JAK1: variants seen among roughly 807,000 people sequenced by gnomAD.
The protein encoded by JAK1 is tyrosine-protein kinase JAK1.
JAK1 carries 16 observed loss-of-function variants against 136.6 expected under a neutral mutation model. The ratio of observed to expected loss-of-function variants is 0.12; its 90% CI spans 0.08 to 0.18. The LOEUF is 0.18. Ranked by LOEUF, JAK1 falls within the 10% of genes least tolerant of loss-of-function variation. The pLI is 1.00. For synonymous variants in JAK1, 492 were observed against 519.5 expected, an observed-to-expected ratio of 0.95 and a Z score of 0.72; for missense variants, 859 against 1,450.1, an observed-to-expected ratio of 0.59 and a Z score of 6.62.
chr1:64,952,018 C>T (rs1298381880), intron 1 of JAK1, among the ~76,000 whole-genome samples: 3 of 152,262 alleles, frequency 2.0e-5, no homozygotes, highest in East Asian at 3.9e-4. Flanking sequence ...CGCACATTTC[C>T]CCCAGACACA....
intron 22 of JAK1, among the ~76,000 whole-genome samples, chr1:64,837,432 TTGTAGCCAGTG>T (rs1300254013): frequency 6.6e-6 from 1 of 152,156 alleles, no homozygotes; most frequent in Admixed American, 6.5e-5. Flanking sequence ...TGAGACATGG[TTGTAGCCAGTG>T]TGTGGCCTTC....
At chr1:64,972,300 G>T (rs1051968513) in intron 2 of JAK1, 2 of 152,142 alleles carry the variant, frequency 1.3e-5, no homozygotes, top group Non-Finnish European at 2.9e-5. Context: ...AACATTAAAG[G>T]TACAAACTAT....
At chr1:64,848,764 C>A (rs188957086) in intron 12 of JAK1, among the ~76,000 whole-genome samples, 133 of 152,252 alleles carry the variant, frequency 8.7e-4, no homozygotes, top group African/African-American at 2.9e-3. Context: ...TATTTGAGGA[C>A]CCCCTGGAAA....
intron 1 of JAK1, among the ~76,000 whole-genome samples, chr1:64,937,140 G>A (rs1189783798): frequency 6.6e-6 from 1 of 151,852 alleles, no homozygotes; most frequent in Non-Finnish European, 1.5e-5. Flanking sequence ...GGCTATTTGG[G>A]TAGCTGATCC....
At chr1:65,050,292 C>T (rs546515404) in intron 1 of JAK1, among the ~76,000 whole-genome samples, 1 of 152,314 alleles carries the variant, frequency 6.6e-6, no homozygotes, top group South Asian at 2.1e-4. Flanking sequence ...CCGCAACACA[C>T]GTGATTCAAC....
intron 1 of JAK1, 130 bp from the exon 2 acceptor site, chr1:64,886,471 AAAAAC>A: frequency 3.7e-6 from 2 of 538,780 alleles, no homozygotes; most frequent in South Asian, 3.1e-5. Context: ...GAAGAAGGAA[AAAAAC>A]AAAACAAAAC....
intron 1 of JAK1, among the ~76,000 whole-genome samples, chr1:64,913,639 GGGAGGAAGGAAGGAAA>G (rs1645325147): frequency 9.4e-6 from 1 of 106,684 alleles, no homozygotes; most frequent in African/African-American, 4.1e-5. Flanking sequence ...GAGGGAGGAA[GGGAGGAAGGAAGGAAA>G]GAAGGAAGGA....
chr1:64,928,068 A>G (rs1484847800), intron 1 of JAK1, among the ~76,000 whole-genome samples: 1 of 152,176 alleles, frequency 6.6e-6, no homozygotes. Context: ...TCTCTCTACC[A>G]TGGGAGTTTA....
intron 2 of JAK1, among the ~76,000 whole-genome samples, chr1:65,040,892 G>C (rs1319801468): frequency 2.6e-5 from 4 of 152,170 alleles, no homozygotes; most frequent in Non-Finnish European, 5.9e-5. Context: ...GCAAATATTG[G>C]GGTGGGGTAA....
chr1:64,837,889 C>T (rs377549427), intron 22 of JAK1, 43 bp downstream of exon 22: 7 of 1,552,116 alleles, frequency 4.5e-6, no homozygotes, highest in Middle Eastern at 1.7e-4. Context: ...ACAGTGTAAA[C>T]TCTATGAAGC....
chr1:65,004,066 C>G (rs1224236928), intron 2 of JAK1: 1 of 152,196 alleles, frequency 6.6e-6, no homozygotes, highest in Non-Finnish European at 1.5e-5. Context: ...CTCAGCCTCC[C>G]GAGTAGCTGG....
chr1:64,963,654 T>C (rs934654468), intron 1 of JAK1, among the ~76,000 whole-genome samples: 4 of 152,298 alleles, frequency 2.6e-5, no homozygotes, highest in African/African-American at 9.6e-5. Context: ...TTCCATGCAT[T>C]ATTTACCTGA....
At chr1:64,852,370 C>T (rs1655658102) in intron 11 of JAK1, among the ~76,000 whole-genome samples, 1 of 152,214 alleles carries the variant, frequency 6.6e-6, no homozygotes, top group Admixed American at 6.5e-5. Context: ...ATCGGGAGAA[C>T]AAATGTGGGT....
chr1:65,025,779 G>T (rs1354135039), intron 2 of JAK1, among the ~76,000 whole-genome samples: 1 of 152,132 alleles, frequency 6.6e-6, no homozygotes, highest in African/African-American at 2.4e-5. Flanking sequence ...CTAGGCTCAA[G>T]AAATGCTTCC....
intron 1 of JAK1, among the ~76,000 whole-genome samples, chr1:65,064,520 C>CT (rs1296644589): frequency 6.6e-6 from 1 of 152,216 alleles, no homozygotes; most frequent in African/African-American, 2.4e-5. Context: ...TTCCAAAAGA[C>CT]TGAGTATTTT....
At chr1:65,035,474 G>C (rs1400593951) in intron 2 of JAK1, among the ~76,000 whole-genome samples, 3 of 152,198 alleles carry the variant, frequency 2.0e-5, no homozygotes, top group African/African-American at 7.2e-5. Flanking sequence ...GACCTTCAGT[G>C]CTGACTCTAG....
intron 1 of JAK1, among the ~76,000 whole-genome samples, chr1:64,946,366 A>G (rs999797580): frequency 6.6e-6 from 1 of 152,208 alleles, no homozygotes; most frequent in Non-Finnish European, 1.5e-5. Flanking sequence ...CTCTCTGCAA[A>G]TAAGTAAATG....
At chr1:64,950,242 T>C (rs1006010706) in intron 1 of JAK1, among the ~76,000 whole-genome samples, 9 of 152,050 alleles carry the variant, frequency 5.9e-5, no homozygotes, top group Admixed American at 5.9e-4. Context: ...ACCCCGTCTC[T>C]ACTAAAGATA....
intron 1 of JAK1, among the ~76,000 whole-genome samples, chr1:64,929,492 G>C (rs917905010): frequency 2.0e-5 from 3 of 152,174 alleles, no homozygotes; most frequent in Non-Finnish European, 4.4e-5. Context: ...CCTGGGTAAT[G>C]AAACTGGCAT....
Sources: gnomAD v4.1 joint callset for allele counts (sites outside exome capture counted in the v4.1 genomes callset) on GRCh38, gnomAD v4.1.1 for gene constraint, MANE v1.5 for transcripts, NCBI Gene and HGNC (gene_info 2026-07-23, HGNC 2026-07-21) for gene names.